SEMA6D: variants seen among roughly 807,000 people sequenced by gnomAD.
The protein encoded by SEMA6D is semaphorin-6D.
SEMA6D carries 35 observed loss-of-function variants against 106.6 expected under a neutral mutation model. The observed-to-expected ratio is 0.33, with a 90% CI of 0.25 to 0.44. The LOEUF is 0.44. SEMA6D is among the 20% of genes least tolerant of loss of function. The pLI, the probability that SEMA6D is intolerant of heterozygous loss-of-function variation, is 1.00. For synonymous variants in SEMA6D, 499 were observed against 487.7 expected, an observed-to-expected ratio of 1.02 and a Z score of -0.31; for missense variants, 1,185 against 1,345.9, an observed-to-expected ratio of 0.88 and a Z score of 1.87.
chr15:47,429,648 G>A (rs974391920), intron 2 of SEMA6D, among the ~76,000 whole-genome samples: 1 of 152,116 alleles, frequency 6.6e-6, no homozygotes, highest in Non-Finnish European at 1.5e-5. Flanking sequence ...GGGGCAGATG[G>A]TATTTTTCTG....
chr15:47,345,709 T>C (rs1263330987), intron 1 of SEMA6D, among the ~76,000 whole-genome samples: 2 of 152,128 alleles, frequency 1.3e-5, no homozygotes, highest in Admixed American at 1.3e-4. Flanking sequence ...GATAAAATAA[T>C]AAAGCTGAGT....
chr15:47,535,576 A>G (rs1343223776), intron 3 of SEMA6D, among the ~76,000 whole-genome samples: 1 of 152,034 alleles, frequency 6.6e-6, no homozygotes, highest in African/African-American at 2.4e-5. Context: ...AGAGCTAGTT[A>G]CCTTAGGGGA....
chr15:47,582,247 G>A (rs1036835459), intron 3 of SEMA6D, among the ~76,000 whole-genome samples: 4 of 152,180 alleles, frequency 2.6e-5, no homozygotes, highest in African/African-American at 9.7e-5. Context: ...GATGTCCAGA[G>A]TGCTCCTTGC....
chr15:47,621,168 C>T (rs1039674465), intron 4 of SEMA6D, among the ~76,000 whole-genome samples: 6 of 152,156 alleles, frequency 3.9e-5, no homozygotes, highest in Non-Finnish European at 7.4e-5. Flanking sequence ...TAGGTGAACA[C>T]ATGTGCATGC....
At chr15:47,190,033 C>T (rs1233362206) in intron 1 of SEMA6D, among the ~76,000 whole-genome samples, 4 of 152,164 alleles carry the variant, frequency 2.6e-5, no homozygotes, top group Non-Finnish European at 5.9e-5. Context: ...GGAGTAAATT[C>T]GCATTGTGCA....
chr15:47,368,382 C>T (rs1379666074), intron 1 of SEMA6D, among the ~76,000 whole-genome samples: 4 of 152,224 alleles, frequency 2.6e-5, no homozygotes, highest in Non-Finnish European at 2.9e-5. Context: ...TTTCACTTCC[C>T]TCACATACCC....
At chr15:47,303,660 T>A (rs1303695374) in intron 1 of SEMA6D, among the ~76,000 whole-genome samples, 1 of 152,222 alleles carries the variant, frequency 6.6e-6, no homozygotes, top group Non-Finnish European at 1.5e-5. Context: ...TGTCTGGCAT[T>A]TAGTGGAAAT....
intron 1 of SEMA6D, among the ~76,000 whole-genome samples, chr15:47,276,133 G>C (rs955135799): frequency 2.0e-5 from 3 of 152,086 alleles, no homozygotes; most frequent in Non-Finnish European, 4.4e-5. Context: ...GCTAGCACAG[G>C]TTGGCTCATG....
rs973423449 is a variant in SEMA6D, at chr15:47,189,154, CCTTTCT to C, written c.-239+4747_-239+4752del. On this transcript the variant is annotated intron_variant, in intron 1 of 19. Coordinates refer to the SEMA6D transcript ENST00000558014. ...GGAAACTCCCATACACTTCTCTTTCCCTTTCTCTTTCTCTTTTCCTCTCTTCTCTTT... is the reference window on the plus strand; with the variant it reads ...GGAAACTCCCATACACTTCTCTTTCCCTTTCTCTTTTCCTCTCTTCTCTTT... Among the ~76,000 whole-genome samples, 6 of 152,120 alleles carry C rather than the reference CCTTTCT, an allele frequency of 3.9e-5. No homozygotes were observed. In the East Asian group the frequency reaches 5.8e-4, roughly 15 times the overall value.
intron 3 of SEMA6D, among the ~76,000 whole-genome samples, chr15:47,549,962 C>T (rs1023958350): frequency 3.3e-5 from 5 of 152,160 alleles, no homozygotes; most frequent in African/African-American, 1.2e-4. Context: ...ACCCAGTTTT[C>T]CCTTTCTTCA....
At chr15:47,507,013 A>G (rs2044065352) in intron 3 of SEMA6D, among the ~76,000 whole-genome samples, 1 of 152,122 alleles carries the variant, frequency 6.6e-6, no homozygotes, top group Non-Finnish European at 1.5e-5. Context: ...TGCCTGAGCT[A>G]TTTGTCACTC....
intron 1 of SEMA6D, among the ~76,000 whole-genome samples, chr15:47,357,737 C>T (rs778422760): frequency 1.3e-5 from 2 of 152,160 alleles, no homozygotes; most frequent in Non-Finnish European, 2.9e-5. Context: ...ATGTTAATCT[C>T]CTTTGGCAAC....
At chr15:47,735,802 A>G (rs2080414947) in intron 1 of SEMA6D, among the ~76,000 whole-genome samples, 1 of 152,222 alleles carries the variant, frequency 6.6e-6, no homozygotes, top group African/African-American at 2.4e-5. Flanking sequence ...AAAGCCCACA[A>G]ACAACTCCAG....
At chr15:47,553,416 C>T (rs1047265845) in intron 3 of SEMA6D, among the ~76,000 whole-genome samples, 80 of 152,114 alleles carry the variant, frequency 5.3e-4, no homozygotes, top group African/African-American at 1.9e-3. Flanking sequence ...AGCAGGATTG[C>T]ATAAAACACC....
intron 1 of SEMA6D, chr15:47,412,278 T>G (rs1012191927): frequency 6.6e-6 from 1 of 152,466 alleles, no homozygotes; most frequent in Non-Finnish European, 1.5e-5. Flanking sequence ...GTCTTATCAT[T>G]AAAGCAGCAG....
chr15:47,366,795 G>A (rs1052326068), intron 1 of SEMA6D, among the ~76,000 whole-genome samples: 4 of 152,210 alleles, frequency 2.6e-5, no homozygotes, highest in East Asian at 1.9e-4. Context: ...GCAAGAAAGC[G>A]TGTAAGGAAA....
At chr15:47,209,102 C>G (rs17356164) in intron 1 of SEMA6D, among the ~76,000 whole-genome samples, 1,852 of 152,132 alleles carry the variant, frequency 0.012, 43 homozygotes, top group Admixed American at 0.012. Context: ...GTAGGATAAT[C>G]TCATGTTTCA....
chr15:47,630,219 T>C (rs113547617), intron 4 of SEMA6D, among the ~76,000 whole-genome samples: 5,119 of 151,978 alleles, frequency 0.034, 285 homozygotes, highest in African/African-American at 0.12. Context: ...GCATCTGTTA[T>C]CTTTTTGCCT....
intron 4 of SEMA6D, among the ~76,000 whole-genome samples, chr15:47,651,075 T>C: frequency 6.6e-6 from 1 of 152,142 alleles, no homozygotes; most frequent in African/African-American, 2.4e-5. Flanking sequence ...CAAAGTTCTA[T>C]TTTCCTTTTC....
Sources: gnomAD v4.1 joint callset for allele counts (sites outside exome capture counted in the v4.1 genomes callset) on GRCh38, gnomAD v4.1.1 for gene constraint, MANE v1.5 for transcripts, NCBI Gene and HGNC (gene_info 2026-07-23, HGNC 2026-07-21) for gene names.